LHFPL3: variants seen among roughly 807,000 people sequenced by gnomAD.
LHFPL3 encodes LHFPL tetraspan subfamily member 3, also known as LHFPL tetraspan subfamily member 3 protein.
A neutral mutation model predicts 19.3 loss-of-function variants in LHFPL3; 5 were observed. The ratio of observed to expected loss-of-function variants is 0.26; its 90% confidence interval spans 0.14 to 0.54. The LOEUF (loss-of-function observed/expected upper bound fraction) is 0.54. Ranked by LOEUF, LHFPL3 falls within the 20% of genes least tolerant of loss-of-function variation. The pLI is 0.94. For synonymous variants in LHFPL3, 133 were observed against 126.2 expected, an observed-to-expected ratio of 1.05 and a Z score of -0.36; for missense variants, 249 against 307.4, an observed-to-expected ratio of 0.81 and a Z score of 1.42.
intron 1 of LHFPL3, among the ~76,000 whole-genome samples, chr7:104,512,642 A>G (rs1222264483): frequency 1.3e-5 from 2 of 152,110 alleles, no homozygotes; most frequent in Admixed American, 1.3e-4. Context: ...AGGCTGAGGC[A>G]GGAGAATCAC....
intron 1 of LHFPL3, among the ~76,000 whole-genome samples, chr7:104,554,541 C>G (rs1794721973): frequency 6.6e-6 from 1 of 152,048 alleles, no homozygotes; most frequent in Non-Finnish European, 1.5e-5. Context: ...ATGTTGCTAT[C>G]CTAATCCCTA....
At chr7:104,838,505 T>C (rs777124851) in intron 2 of LHFPL3, among the ~76,000 whole-genome samples, 24 of 152,356 alleles carry the variant, frequency 1.6e-4, no homozygotes, top group Admixed American at 3.3e-4. Context: ...GTATTGTTTA[T>C]TAATTATTTT....
chr7:104,697,865 G>C (rs1387916174), intron 1 of LHFPL3, among the ~76,000 whole-genome samples: 1 of 152,200 alleles, frequency 6.6e-6, no homozygotes, highest in Non-Finnish European at 1.5e-5. Context: ...AAGGGATCTG[G>C]GGGGATGGTA....
In LHFPL3 at chr7:104,907,453, CAACT is replaced by C. The variant is rs1317944877; in HGVS notation, c.*1242_*1245del. Among the ~76,000 whole-genome samples the C allele has an allele frequency of 6.6e-6, 1 of 152,112 alleles. No homozygotes were observed. Among genetic ancestry groups the C allele is most frequent in the Non-Finnish European group, 1.5e-5 (1 of 67,990 alleles). Reference sequence around the variant, plus strand: ...TTGGCTGACATCTGGAAGTAGTTAACAACTAACCAGTGGACTTCAACAATCATTT... The same window carrying C: ...TTGGCTGACATCTGGAAGTAGTTAACAACCAGTGGACTTCAACAATCATTT... On this transcript the variant is annotated 3_prime_UTR_variant, in exon 3 of 3. Transcript: ENST00000424859.
chr7:104,334,835 A>G (rs1584593657), intron 1 of LHFPL3, among the ~76,000 whole-genome samples: 1 of 152,216 alleles, frequency 6.6e-6, no homozygotes, highest in Admixed American at 6.5e-5. Context: ...CTCATTAAAA[A>G]AACCTCATAT....
intron 1 of LHFPL3, among the ~76,000 whole-genome samples, chr7:104,522,662 G>C (rs1207836600): frequency 2.0e-5 from 3 of 152,060 alleles, no homozygotes; most frequent in African/African-American, 7.2e-5. Context: ...GACAGGATTT[G>C]TTCTTAAAGA....
chr7:104,347,446 C>T (rs929216301), intron 1 of LHFPL3, among the ~76,000 whole-genome samples: 41 of 152,066 alleles, frequency 2.7e-4, no homozygotes, highest in African/African-American at 9.4e-4. Flanking sequence ...GGGATTGGGG[C>T]GCTGCAGAAT....
At chr7:104,567,277 G>C (rs903536357) in intron 1 of LHFPL3, among the ~76,000 whole-genome samples, 4 of 152,162 alleles carry the variant, frequency 2.6e-5, no homozygotes, top group Non-Finnish European at 4.4e-5. Context: ...CATGTGCCAT[G>C]GGGCAGTGTT....
chr7:104,836,879 G>T (rs571158944), intron 2 of LHFPL3, among the ~76,000 whole-genome samples: 2 of 152,142 alleles, frequency 1.3e-5, no homozygotes, highest in Admixed American at 1.3e-4. Flanking sequence ...TATCTCTGAC[G>T]ACAAATGAAA....
chr7:104,491,698 A>G (rs1006770117), intron 1 of LHFPL3, among the ~76,000 whole-genome samples: 1 of 152,254 alleles, frequency 6.6e-6, no homozygotes, highest in African/African-American at 2.4e-5. Context: ...GGAGAGCAGC[A>G]TAAAGCAATG....
intron 1 of LHFPL3, among the ~76,000 whole-genome samples, chr7:104,546,955 G>A (rs201269491): frequency 3.8e-5 from 1 of 26,406 alleles, no homozygotes; most frequent in South Asian, 8.7e-4. Context: ...AGTAGCTCAA[G>A]GCCGGGCGCG....
At chr7:104,876,322 C>G (rs1791938231) in intron 2 of LHFPL3, among the ~76,000 whole-genome samples, 1 of 152,166 alleles carries the variant, frequency 6.6e-6, no homozygotes, top group African/African-American at 2.4e-5. Flanking sequence ...GCAAAAGAAA[C>G]TACCATCAGA....
Position 104,441,007 on chromosome 7 carries a change from T to C in LHFPL3, c.445+111783T>C, listed in dbSNP as rs189653023. On this transcript the variant is annotated intron_variant, in intron 1 of 2. Transcript: ENST00000424859. ...TTCATCACTTCCAAAAGTTTCCTCA[T>C]GCCTCTTTCTTTCTGTGTGTGTGAG... Among the ~76,000 whole-genome samples, 264 of 152,298 alleles carry C rather than the reference T, an allele frequency of 1.7e-3. 3 individuals carry two copies. Among genetic ancestry groups the C allele is most frequent in the African/African-American group, 6.2e-3 (257 of 41,572 alleles).
At chr7:104,428,474 A>G (rs966079229) in intron 1 of LHFPL3, among the ~76,000 whole-genome samples, 2 of 152,058 alleles carry the variant, frequency 1.3e-5, no homozygotes, top group Non-Finnish European at 2.9e-5. Flanking sequence ...CCTCCCTCCA[A>G]TATATAACTA....
chr7:104,704,729 G>A (rs997462422), intron 1 of LHFPL3, among the ~76,000 whole-genome samples: 1 of 151,858 alleles, frequency 6.6e-6, no homozygotes, highest in African/African-American at 2.4e-5. Context: ...TCGGCCTCCT[G>A]GGCTCAAGCA....
At chr7:104,827,924 G>A (rs1790857538) in intron 2 of LHFPL3, among the ~76,000 whole-genome samples, 1 of 151,904 alleles carries the variant, frequency 6.6e-6, no homozygotes, top group Non-Finnish European at 1.5e-5. Flanking sequence ...ATAGCCCTTT[G>A]CAGATTTGAA....
intron 2 of LHFPL3, among the ~76,000 whole-genome samples, chr7:104,851,541 C>T (rs189788940): frequency 2.0e-5 from 3 of 152,170 alleles, no homozygotes; most frequent in Non-Finnish European, 4.4e-5. Flanking sequence ...GCTTATACGG[C>T]CAACGCATTG....
intron 1 of LHFPL3, among the ~76,000 whole-genome samples, chr7:104,734,107 G>C (rs1225587225): frequency 6.6e-6 from 1 of 152,182 alleles, no homozygotes; most frequent in African/African-American, 2.4e-5. Flanking sequence ...AGTCTGATGG[G>C]CTTCCCTTTG....
intron 1 of LHFPL3, among the ~76,000 whole-genome samples, chr7:104,475,793 A>G (rs940610100): frequency 6.6e-6 from 1 of 152,224 alleles, no homozygotes; most frequent in Admixed American, 6.5e-5. Context: ...GTTTTTCTCA[A>G]AATGATTTCG....
Sources: allele counts gnomAD v4.1 joint callset (sites outside exome capture counted in the v4.1 genomes callset), GRCh38; gene constraint gnomAD v4.1.1; transcripts MANE v1.5; gene names NCBI Gene and HGNC (gene_info 2026-07-23, HGNC 2026-07-21).